The following SLC35F3 variants were observed in gnomAD, a reference collection of about 807,000 sequenced individuals.
SLC35F3 encodes putative thiamine transporter SLC35F3.
SLC35F3 carries 25 observed loss-of-function variants against 49.9 expected under a neutral mutation model. The observed-to-expected ratio is 0.50, with a 90% CI of 0.37 to 0.70. The LOEUF is 0.70. Among genes scored for constraint, SLC35F3 ranks in the 30% least tolerant of loss-of-function variants. The pLI, the probability that SLC35F3 is intolerant of heterozygous loss-of-function variation, is 0.00. For missense variants in SLC35F3, 525 were observed against 639.8 expected, an observed-to-expected ratio of 0.82 and a Z score of 1.94; for synonymous variants, 275 against 265.4, an observed-to-expected ratio of 1.04 and a Z score of -0.35.
Position 234,121,133 on chromosome 1 carries a change from C to CTT in SLC35F3, c.284-110264_284-110263dup, listed in dbSNP as rs66702949. Among the ~76,000 whole-genome samples, 329 of 102,776 alleles carry CTT rather than the reference C, an allele frequency of 3.2e-3. 5 individuals carry two copies. The highest frequency in any genetic ancestry group is 9.8e-3 in the East Asian group (33 of 3,372). 67.4% of individuals were successfully genotyped at this position (102,776 alleles called of 152,430 possible). A position where few individuals can be genotyped will look rare whatever the true frequency, so the allele number is the denominator to read the frequency against. ...TTATCAATTTGAAGATGAAAAATTA[C>CTT]TTTTTTTTTTTTTTTTTTTTTGAGA... On this transcript the variant is annotated intron_variant, in intron 2 of 7. Transcript: ENST00000366618.
At chr1:234,273,755 T>A (rs1668150132) in intron 3 of SLC35F3, among the ~76,000 whole-genome samples, 1 of 152,070 alleles carries the variant, frequency 6.6e-6, no homozygotes, top group African/African-American at 2.4e-5. Flanking sequence ...AAATGGGGAC[T>A]TGATGGAGGA....
intron 3 of SLC35F3, among the ~76,000 whole-genome samples, chr1:234,281,946 C>T (rs1463613269): frequency 6.6e-6 from 1 of 152,152 alleles, no homozygotes; most frequent in Admixed American, 6.5e-5. Context: ...GCAAGGAGCA[C>T]GCAATGGCTG....
In SLC35F3 at chr1:234,235,293, A is replaced by G. The variant is rs77646044; in HGVS notation, c.608+3552A>G. Among the ~76,000 whole-genome samples the G allele has an allele frequency of 9.8e-3, 1,490 of 152,280 alleles. 24 individuals carry two copies. The highest frequency in any genetic ancestry group is 0.033 in the African/African-American group (1,365 of 41,552). On this transcript the variant is annotated intron_variant, in intron 3 of 7. Coordinates refer to ENST00000366618, the MANE Select transcript of SLC35F3 (RefSeq NM_173508.4). Reference sequence around the variant, plus strand: ...CAACCCTTATCTTCACTGTTTCTCAATGAAGGTGGCCACAAGGATGTTCTG... The same window carrying G: ...CAACCCTTATCTTCACTGTTTCTCAGTGAAGGTGGCCACAAGGATGTTCTG...
intron 2 of SLC35F3, among the ~76,000 whole-genome samples, chr1:233,944,610 C>A (rs1415423295): frequency 1.3e-5 from 2 of 152,282 alleles, no homozygotes; most frequent in East Asian, 1.9e-4. Context: ...GGCAGACATC[C>A]AAAGCCTGTT....
chr1:234,079,863 A>C (rs963407255), intron 2 of SLC35F3, among the ~76,000 whole-genome samples: 20 of 152,238 alleles, frequency 1.3e-4, no homozygotes, highest in African/African-American at 4.8e-4. Context: ...ACAGTGTGAT[A>C]GTGTGATATA....
chr1:234,186,824 C>T (rs1367516924), intron 2 of SLC35F3, among the ~76,000 whole-genome samples: 2 of 152,152 alleles, frequency 1.3e-5, no homozygotes, highest in African/African-American at 4.8e-5. Context: ...TGATGGAATA[C>T]TATGGGAAGA....
intron 2 of SLC35F3, among the ~76,000 whole-genome samples, chr1:233,919,029 AATCT>A (rs895405347): frequency 2.6e-5 from 4 of 152,134 alleles, no homozygotes; most frequent in African/African-American, 9.7e-5. Flanking sequence ...ATATTTGATG[AATCT>A]ATCTATATAT....
chr1:233,913,048 A>C (rs12088542), intron 2 of SLC35F3, among the ~76,000 whole-genome samples: 1,786 of 152,264 alleles, frequency 0.012, 39 homozygotes, highest in African/African-American at 0.038. Flanking sequence ...GAGTAGGTAA[A>C]ATCTGAAGTG....
At chr1:234,177,065 G>T (rs1572082523) in intron 2 of SLC35F3, among the ~76,000 whole-genome samples, 1 of 152,306 alleles carries the variant, frequency 6.6e-6, no homozygotes, top group South Asian at 2.1e-4. Context: ...CCAGCGGGAG[G>T]TGAGTGAATC....
intron 2 of SLC35F3, among the ~76,000 whole-genome samples, chr1:234,057,647 A>G (rs1255532537): frequency 6.6e-6 from 1 of 152,012 alleles, no homozygotes; most frequent in African/African-American, 2.4e-5. Flanking sequence ...TTCTGTTTCA[A>G]TTGCTTTGGC....
intron 2 of SLC35F3, among the ~76,000 whole-genome samples, chr1:234,224,152 C>T (rs1222154387): frequency 6.6e-6 from 1 of 152,186 alleles, no homozygotes; most frequent in Non-Finnish European, 1.5e-5. Context: ...GCAGCCTCAA[C>T]TTTCTGGGCT....
intron 2 of SLC35F3, among the ~76,000 whole-genome samples, chr1:234,132,501 C>A (rs1665751041): frequency 6.6e-6 from 1 of 152,324 alleles, no homozygotes; most frequent in African/African-American, 2.4e-5. Context: ...TAAGCATGCT[C>A]ATTTCCCTGC....
intron 2 of SLC35F3, among the ~76,000 whole-genome samples, chr1:234,042,225 A>G (rs1424432095): frequency 3.3e-5 from 5 of 152,202 alleles, no homozygotes; most frequent in African/African-American, 1.2e-4. Flanking sequence ...CATGTGGATC[A>G]TTATCAAGTC....
At chr1:234,154,906 C>T (rs11810097) in intron 2 of SLC35F3, among the ~76,000 whole-genome samples, 30,918 of 151,958 alleles carry the variant, frequency 0.2, 5,143 homozygotes, top group East Asian at 0.86. Flanking sequence ...AATCATCCAT[C>T]TATATCCGGG....
intron 2 of SLC35F3, among the ~76,000 whole-genome samples, chr1:234,176,482 C>G (rs1333569176): frequency 1.3e-5 from 2 of 152,222 alleles, no homozygotes; most frequent in East Asian, 3.9e-4. Flanking sequence ...AGAGCCCCCT[C>G]ACCCATAAAT....
intron 2 of SLC35F3, among the ~76,000 whole-genome samples, chr1:233,915,828 C>T (rs905162614): frequency 6.6e-6 from 1 of 152,162 alleles, no homozygotes; most frequent in Non-Finnish European, 1.5e-5. Flanking sequence ...CATCAGATCT[C>T]ATGAGACTTA....
intron 2 of SLC35F3, among the ~76,000 whole-genome samples, chr1:233,925,712 A>T (rs1662146034): frequency 6.6e-6 from 1 of 152,178 alleles, no homozygotes; most frequent in Admixed American, 6.5e-5. Flanking sequence ...TAGTTGATGC[A>T]GTTTCTTCCT....
intron 2 of SLC35F3, among the ~76,000 whole-genome samples, chr1:233,997,580 T>C (rs762349706): frequency 6.6e-6 from 1 of 152,146 alleles, no homozygotes; most frequent in Non-Finnish European, 1.5e-5. Context: ...ACTTTCAGCC[T>C]TTCTTGATCC....
Position 234,199,822 on chromosome 1 carries a change from C to T in SLC35F3, c.284-31595C>T, listed in dbSNP as rs138521883. ...GAAAACAAATAATCCAATTAAAAAA[C>T]GGGCAAAGGACCTGAACAGGCATTT... is the stretch of plus-strand genomic sequence containing the variant. On this transcript the variant is annotated intron_variant, in intron 2 of 7. Coordinates refer to ENST00000366618, the MANE Select transcript of SLC35F3 (RefSeq NM_173508.4). Among the ~76,000 whole-genome samples the T allele has an allele frequency of 3.8e-3, 580 of 152,190 alleles. 5 individuals carry two copies. The highest frequency in any genetic ancestry group is 0.013 in the African/African-American group (552 of 41,500).
Sources: allele counts gnomAD v4.1 joint callset (sites outside exome capture counted in the v4.1 genomes callset), GRCh38; gene constraint gnomAD v4.1.1; transcripts MANE v1.5; gene names NCBI Gene and HGNC (gene_info 2026-07-23, HGNC 2026-07-21).